KCNH1: variants seen among roughly 807,000 people sequenced by gnomAD.
KCNH1 encodes the protein potassium voltage-gated channel subfamily H member 1, also known as voltage-gated delayed rectifier potassium channel KCNH1.
In KCNH1, 27 loss-of-function variants were observed where a neutral mutation model predicts 69.2. That is an observed-to-expected ratio of 0.39 (90% CI 0.29 to 0.54). The LOEUF (loss-of-function observed/expected upper bound fraction) is 0.54, where lower values mean the gene tolerates loss of function less well. Among genes scored for constraint, KCNH1 ranks in the 20% least tolerant of loss-of-function variants. KCNH1 has a pLI of 0.68. For synonymous variants in KCNH1, 456 were observed against 487.7 expected (o/e 0.93, Z 0.86); for missense variants, 798 against 1,261.6 (o/e 0.63, Z 5.57).
chr1:211,123,332 G>A (rs531339207), intron 1 of KCNH1, among the ~76,000 whole-genome samples: 12 of 152,332 alleles, frequency 7.9e-5, no homozygotes, highest in Admixed American at 3.9e-4. Flanking sequence ...GTAGAGTTGA[G>A]CAGGTATCTT....
At chr1:210,913,013 G>C (rs1003473228) in intron 7 of KCNH1, among the ~76,000 whole-genome samples, 1 of 152,234 alleles carries the variant, frequency 6.6e-6, no homozygotes, top group South Asian at 2.1e-4. Context: ...ATCAGCCTAA[G>C]GGCATGAAGT....
At chr1:210,785,876 G>C (rs1684091139) in intron 9 of KCNH1, among the ~76,000 whole-genome samples, 1 of 152,160 alleles carries the variant, frequency 6.6e-6, no homozygotes, top group South Asian at 2.1e-4. Context: ...ACCCGCATAG[G>C]AAGAGGGTTG....
At position 210,683,946 on chromosome 1, in the gene KCNH1, C is replaced by T; in HGVS notation, c.2305G>A (p.Gly769Ser). 1 of 1,607,158 alleles carries T rather than the reference C, an allele frequency of 6.2e-7. No individual in the cohort carries two copies. The highest frequency in any genetic ancestry group is 8.5e-7 in the Non-Finnish European group (1 of 1,174,318). ...RDLDDLDVEK[G>S]NVLTEHASAN... is the part of the protein sequence containing the mutation. ...GAGGCATGCTCTGTAAGGACATTGCCCTTCTCCACATCTAGGTCATCCAGG... is the reference window on the plus strand; with the variant it reads ...GAGGCATGCTCTGTAAGGACATTGCTCTTCTCCACATCTAGGTCATCCAGG... Residue 769 changes from glycine (G) to serine (S), a missense_variant, in exon 11 of 11, where the codon GGC becomes AGC. Transcript: ENST00000271751. This position sits in a 1 kb window ranked among gnomAD's most constrained non-coding sequence, Gnocchi z 5.7.
At chr1:211,026,217 A>G (rs1393638398) in intron 5 of KCNH1, among the ~76,000 whole-genome samples, 1 of 152,168 alleles carries the variant, frequency 6.6e-6, no homozygotes, top group African/African-American at 2.4e-5. Context: ...TGGTCATTAT[A>G]TCTAAAACAA....
chr1:210,928,537 C>T (rs1034285009), intron 6 of KCNH1, among the ~76,000 whole-genome samples: 1 of 152,154 alleles, frequency 6.6e-6, no homozygotes, highest in Non-Finnish European at 1.5e-5. Flanking sequence ...GTGAAACAAC[C>T]TATCAAAACC....
intron 5 of KCNH1, among the ~76,000 whole-genome samples, chr1:211,051,583 G>T (rs995620613): frequency 1.3e-5 from 2 of 152,192 alleles, no homozygotes; most frequent in Non-Finnish European, 2.9e-5. Context: ...AGCGTCAAGA[G>T]AGAGTGTTTG....
chr1:211,116,327 C>A (rs1195230218), intron 1 of KCNH1, among the ~76,000 whole-genome samples: 1 of 152,184 alleles, frequency 6.6e-6, no homozygotes, highest in African/African-American at 2.4e-5. Flanking sequence ...AGGCTCTTAA[C>A]AATATAACTT....
chr1:210,910,277 CAAA>C (rs373832448), intron 7 of KCNH1, among the ~76,000 whole-genome samples: 3 of 102,766 alleles, frequency 2.9e-5, no homozygotes, highest in African/African-American at 3.8e-5. Context: ...CATCAAGCAC[CAAA>C]AAAAAAAAAA....
At chr1:211,011,415 G>A (rs537319033) in intron 6 of KCNH1, among the ~76,000 whole-genome samples, 1 of 152,104 alleles carries the variant, frequency 6.6e-6, no homozygotes, top group Admixed American at 6.5e-5. Context: ...CTTTACTATT[G>A]TGAACAGTGC....
At chr1:211,040,991 T>G (rs1689985136) in intron 5 of KCNH1, among the ~76,000 whole-genome samples, 2 of 152,174 alleles carry the variant, frequency 1.3e-5, no homozygotes, top group Admixed American at 6.5e-5. Context: ...ATCCTCTCCT[T>G]TTTCTTCCCA....
intron 7 of KCNH1, chr1:210,862,217 C>T: frequency 8.5e-7 from 1 of 1,179,186 alleles, no homozygotes; most frequent in Non-Finnish European, 1.3e-6. Context: ...AGCTGGCGCT[C>T]CATGGCCTCT....
chr1:211,068,729 A>C (rs1225021380), intron 5 of KCNH1, among the ~76,000 whole-genome samples: 2 of 152,190 alleles, frequency 1.3e-5, no homozygotes, highest in African/African-American at 4.8e-5. Context: ...AAGTGAGTGC[A>C]CAGGGCAAAA....
chr1:210,873,803 CTT>C (rs1379584836), intron 7 of KCNH1, among the ~76,000 whole-genome samples: 1 of 152,040 alleles, frequency 6.6e-6, no homozygotes, highest in Non-Finnish European at 1.5e-5. Context: ...AAATAAAAGA[CTT>C]AAAGAATTTC....
intron 4 of KCNH1, among the ~76,000 whole-genome samples, chr1:211,087,499 A>G (rs912295851): frequency 1.3e-5 from 2 of 152,066 alleles, no homozygotes; most frequent in African/African-American, 4.8e-5. Context: ...CCAATTATCT[A>G]TAACAAAAGA....
intron 5 of KCNH1, among the ~76,000 whole-genome samples, chr1:211,035,053 T>A (rs1393532996): frequency 6.6e-6 from 1 of 151,954 alleles, no homozygotes; most frequent in Non-Finnish European, 1.5e-5. Flanking sequence ...TCTTCATACC[T>A]CCCCAGAATG....
chr1:210,897,522 C>A (rs1277058412), intron 7 of KCNH1, among the ~76,000 whole-genome samples: 2 of 152,136 alleles, frequency 1.3e-5, no homozygotes, highest in African/African-American at 4.8e-5. Context: ...GAGGACACCC[C>A]TGCCCTCTGT....
intron 7 of KCNH1, among the ~76,000 whole-genome samples, chr1:210,855,105 G>T (rs1220481230): frequency 3.9e-5 from 6 of 152,144 alleles, no homozygotes. Context: ...AGTTCTGGAA[G>T]TCTCCTCCCA....
At chr1:210,838,977 C>T (rs1370505641) in intron 7 of KCNH1, among the ~76,000 whole-genome samples, 1 of 152,146 alleles carries the variant, frequency 6.6e-6, no homozygotes, top group African/African-American at 2.4e-5. Flanking sequence ...TAAATTAGTT[C>T]AACCATTGTG....
chr1:210,917,275 G>GAA (rs142037190), intron 7 of KCNH1, among the ~76,000 whole-genome samples: 8 of 142,884 alleles, frequency 5.6e-5, no homozygotes, highest in Non-Finnish European at 1.1e-4. Context: ...AAGAAAGAAA[G>GAA]AAAGAAAAGA....
Sources: allele counts gnomAD v4.1 joint callset (sites outside exome capture counted in the v4.1 genomes callset), GRCh38; gene constraint gnomAD v4.1.1; non-coding constraint Gnocchi (gnomAD v3.1); transcripts MANE v1.5; gene names NCBI Gene and HGNC (gene_info 2026-07-23, HGNC 2026-07-21).